The following LAMA2 variants were observed in gnomAD, a reference collection of about 807,000 sequenced individuals.
The protein encoded by LAMA2 is laminin subunit alpha 2.
In LAMA2, 269 loss-of-function variants were observed where a neutral mutation model predicts 364.8. The ratio of observed to expected loss-of-function variants is 0.74; its 90% CI spans 0.67 to 0.82. LAMA2 has a LOEUF of 0.82. Among genes scored for constraint, LAMA2 ranks in the 40% least tolerant of loss-of-function variants. The pLI, the probability that LAMA2 is intolerant of heterozygous loss-of-function variation, is 0.00. For missense variants in LAMA2, 3,807 were observed against 3,873.2 expected (o/e 0.98, Z 0.45); for synonymous variants, 1,379 against 1,370.6 (o/e 1.01, Z -0.14).
chr6:129,198,833 A>C (rs1288512216), intron 12 of LAMA2, among the ~76,000 whole-genome samples: 1 of 152,176 alleles, frequency 6.6e-6, no homozygotes, highest in Non-Finnish European at 1.5e-5. Flanking sequence ...AAAATCTATA[A>C]TGTCAGATAA....
intron 40 of LAMA2, among the ~76,000 whole-genome samples, chr6:129,408,909 C>T (rs1229825488): frequency 3.3e-5 from 5 of 152,122 alleles, no homozygotes; most frequent in Non-Finnish European, 7.4e-5. Flanking sequence ...TGAGGTCACC[C>T]GTTGGTGAGC....
chr6:129,327,826 T>A (rs1775393515), intron 28 of LAMA2, among the ~76,000 whole-genome samples: 1 of 152,238 alleles, frequency 6.6e-6, no homozygotes, highest in South Asian at 2.1e-4. Context: ...CTTTAAATTA[T>A]ATCAGTATAA....
rs1778283565 is a variant in LAMA2 at position 129,144,051 on chromosome 6, A to G, written c.790A>G (p.Arg264Gly). 2 of 1,612,532 alleles carry G rather than the reference A, an allele frequency of 1.2e-6. No homozygotes were observed. The highest frequency in any genetic ancestry group is 8.5e-7 in the Non-Finnish European group (1 of 1,178,990). The change falls in exon 5 of 65, where the codon AGA becomes GGA. Residue 264 changes from arginine to glycine, a missense_variant. Coordinates refer to ENST00000421865, the MANE Select transcript of LAMA2 (RefSeq NM_000426.4). ...GATGATGTTTGCTCACAAAGACCCA[A>G]GAGAAATTGACCCCATTGTCACCAG... The part of the protein sequence containing the change: ...DLMMFAHKDP[R>G]EIDPIVTRRY...
At chr6:129,393,426 GTT>G (rs935377808) in intron 37 of LAMA2, among the ~76,000 whole-genome samples, 171 bp downstream of exon 37, 1 of 151,850 alleles carries the variant, frequency 6.6e-6, no homozygotes, top group Non-Finnish European at 1.5e-5. Flanking sequence ...TTTTGTTTTT[GTT>G]TTGTTTTTAA....
At chr6:129,207,523 TC>T (rs1309898824) in intron 12 of LAMA2, among the ~76,000 whole-genome samples, 1 of 152,178 alleles carries the variant, frequency 6.6e-6, no homozygotes, top group Non-Finnish European at 1.5e-5. Context: ...GATTCTTTTT[TC>T]TTTGTAGAGA....
chr6:129,304,509 A>T (rs1773748775), intron 22 of LAMA2, among the ~76,000 whole-genome samples: 1 of 152,148 alleles, frequency 6.6e-6, no homozygotes, highest in African/African-American at 2.4e-5. Flanking sequence ...GTGATCCGCC[A>T]GCCTCAGCCT....
chr6:129,261,363 A>G (rs2082264693), intron 15 of LAMA2, among the ~76,000 whole-genome samples: 1 of 152,062 alleles, frequency 6.6e-6, no homozygotes, highest in African/African-American at 2.4e-5. Flanking sequence ...TTTAGCACCT[A>G]ATGTTTGAGA....
intron 38 of LAMA2, among the ~76,000 whole-genome samples, chr6:129,401,932 G>C (rs1654412388): frequency 6.6e-6 from 1 of 152,156 alleles, no homozygotes; most frequent in Non-Finnish European, 1.5e-5. Context: ...TGTGGGCCAG[G>C]CACGGTGGCT....
At chr6:129,214,716 G>A (rs1783316674) in intron 12 of LAMA2, among the ~76,000 whole-genome samples, 2 of 152,132 alleles carry the variant, frequency 1.3e-5, no homozygotes, top group Non-Finnish European at 2.9e-5. Context: ...GGTAGTGTTA[G>A]CTTTACAAGT....
In LAMA2 at chr6:129,320,668, C is replaced by T. The variant is rs1364246042; in HGVS notation, c.4176+13C>T. On this transcript the variant is annotated intron_variant, in intron 28 of 64. Transcript: ENST00000421865. ...CCTGTCCTGTGAGGTAAGCTACCTC[C>T]TACTAACCTGCTTAATCTCAAGTCA... 1 of 1,390,508 alleles carries T rather than the reference C, an allele frequency of 7.2e-7. No homozygotes were observed. Among genetic ancestry groups the T allele is most frequent in the Non-Finnish European group, 1.0e-6 (1 of 975,962 alleles). The allele number at this position is 1,390,508 out of a possible 1,614,324, so 86.1% of individuals were successfully genotyped here.
chr6:129,427,771 T>C lies in LAMA2; in HGVS notation c.5885T>C (p.Leu1962Ser), dbSNP rs1781394345. 6.2e-7 allele frequency: 1 copy of C among 1,613,436 alleles called. No homozygotes were observed. Among genetic ancestry groups the C allele is most frequent in the Non-Finnish European group, 8.5e-7 (1 of 1,179,634 alleles). Residue 1962 changes from leucine to serine, a missense_variant, in exon 41 of 65, where the codon TTA becomes TCA. By Grantham distance (145) the Leu-to-Ser change is moderately radical. Coordinates refer to ENST00000421865, the MANE Select transcript of LAMA2 (RefSeq NM_000426.4). Reference sequence around the variant, plus strand: ...CCACAGGCAACAGGTCCTCGGGGTTTATTAAAGGAAGATGCCAAAGGCTGT... The same window carrying C: ...CCACAGGCAACAGGTCCTCGGGGTTCATTAAAGGAAGATGCCAAAGGCTGT... Reference protein sequence around the residue: ...ATKLATGPRGLLKEDAKGCLQ... With the variant: ...ATKLATGPRGSLKEDAKGCLQ...
chr6:129,364,812 G>T (rs1457963730), intron 32 of LAMA2, among the ~76,000 whole-genome samples: 1 of 152,168 alleles, frequency 6.6e-6, no homozygotes, highest in Non-Finnish European at 1.5e-5. Context: ...GGTATAATTG[G>T]CTCATGGTTC....
chr6:128,980,819 A>G (rs143672161), intron 1 of LAMA2, among the ~76,000 whole-genome samples: 90 of 152,352 alleles, frequency 5.9e-4, no homozygotes, highest in African/African-American at 2.0e-3. Context: ...ACAATAAAAA[A>G]AGCTTTGATT....
At chr6:129,184,453 C>T (rs1425316606) in intron 10 of LAMA2, among the ~76,000 whole-genome samples, 2 of 151,854 alleles carry the variant, frequency 1.3e-5, no homozygotes, top group Non-Finnish European at 2.9e-5. Flanking sequence ...TCTCTGAGTC[C>T]TCTTTTTGAT....
chr6:129,316,674 A>G (rs1774634299), intron 27 of LAMA2, among the ~76,000 whole-genome samples: 1 of 152,198 alleles, frequency 6.6e-6, no homozygotes, highest in African/African-American at 2.4e-5. Context: ...AAAAAATCAC[A>G]CAGAACAGCA....
chr6:128,978,064 G>T (rs948146047), intron 1 of LAMA2, among the ~76,000 whole-genome samples: 3 of 152,066 alleles, frequency 2.0e-5, no homozygotes, highest in African/African-American at 7.2e-5. Flanking sequence ...AGATAAGTAC[G>T]GAGTTGTAAA....
At chr6:129,041,494 C>G (rs866338995) in intron 1 of LAMA2, among the ~76,000 whole-genome samples, 12 of 152,164 alleles carry the variant, frequency 7.9e-5, no homozygotes, top group Admixed American at 5.9e-4. Context: ...TTTGCTGTAT[C>G]CAACATCCTT....
intron 58 of LAMA2, among the ~76,000 whole-genome samples, chr6:129,497,276 C>T (rs1413027538): frequency 6.6e-6 from 1 of 151,874 alleles, no homozygotes; most frequent in Non-Finnish European, 1.5e-5. Context: ...CTTGCTCTGT[C>T]ACCCAGGCTG....
At chr6:129,359,203 C>G (rs1159273763) in intron 32 of LAMA2, among the ~76,000 whole-genome samples, 1 of 150,060 alleles carries the variant, frequency 6.7e-6, no homozygotes, top group Non-Finnish European at 1.5e-5. Context: ...CATCTTTGAA[C>G]CACATTGAAC....
Sources: gnomAD v4.1 joint callset for allele counts (sites outside exome capture counted in the v4.1 genomes callset) on GRCh38, gnomAD v4.1.1 for gene constraint, MANE v1.5 for transcripts, NCBI Gene and HGNC (gene_info 2026-07-23, HGNC 2026-07-21) for gene names.